The following LY96 variants were observed in gnomAD, a reference collection of about 807,000 sequenced individuals.
LY96 encodes myeloid differentiation protein-2.
Under a neutral mutation model 18.9 loss-of-function variants are expected in LY96, and 18 were observed. The ratio of observed to expected loss-of-function variants is 0.95; its 90% CI spans 0.66 to 1.41. The LOEUF (loss-of-function observed/expected upper bound fraction) is 1.41, where lower values mean the gene tolerates loss of function less well. LY96 is among the 40% of genes most tolerant of loss of function. The pLI is 0.00. For missense variants in LY96, 175 were observed against 182.4 expected, an observed-to-expected ratio of 0.96 and a Z score of 0.23; for synonymous variants, 66 against 62.6, an observed-to-expected ratio of 1.06 and a Z score of -0.26.
At chr8:74,068,450 T>C in the LY96 span, among the ~76,000 whole-genome samples, 1 of 152,234 alleles carries the variant, frequency 6.6e-6, no homozygotes, top group Admixed American at 6.5e-5. Flanking sequence ...CATATCTTTG[T>C]GTGAACAAAT....
At chr8:74,002,125 C>G (rs915407945) in intron 1 of LY96, among the ~76,000 whole-genome samples, 3 of 129,118 alleles carry the variant, frequency 2.3e-5, no homozygotes, top group Middle Eastern at 3.5e-3. Flanking sequence ...CTCTCTCTCT[C>G]TCTCTCTTTC....
the LY96 span, among the ~76,000 whole-genome samples, chr8:74,079,268 G>A: frequency 6.6e-6 from 1 of 152,182 alleles, no homozygotes; most frequent in African/African-American, 2.4e-5. Flanking sequence ...GCTTTCCTGG[G>A]CCTTCAGCTT....
chr8:74,059,252 A>G, the LY96 span, among the ~76,000 whole-genome samples: 1 of 152,360 alleles, frequency 6.6e-6, no homozygotes, highest in African/African-American at 2.4e-5. Context: ...GAAATGAAGA[A>G]ATCTAACATA....
the LY96 span, among the ~76,000 whole-genome samples, chr8:74,084,894 C>A: frequency 2.0e-5 from 3 of 152,198 alleles, no homozygotes; most frequent in African/African-American, 7.2e-5. Flanking sequence ...GGATTACAGG[C>A]GTGAGCCACC....
chr8:74,053,735 T>G, the LY96 span, among the ~76,000 whole-genome samples: 2 of 152,246 alleles, frequency 1.3e-5, no homozygotes, highest in African/African-American at 4.8e-5. Flanking sequence ...GTCTGCCAAA[T>G]TTCATGTGTT....
chr8:74,054,984 G>T, the LY96 span, among the ~76,000 whole-genome samples: 1 of 151,948 alleles, frequency 6.6e-6, no homozygotes, highest in African/African-American at 2.4e-5. Context: ...ATGACCTACT[G>T]CAGCCTTGAC....
chr8:74,083,785 G>A, the LY96 span, among the ~76,000 whole-genome samples: 23 of 151,984 alleles, frequency 1.5e-4, no homozygotes, highest in East Asian at 5.8e-4. Context: ...TTGACCTCTC[G>A]GGCTGGAGTG....
chr8:74,064,177 A>G, the LY96 span, among the ~76,000 whole-genome samples: 1 of 152,230 alleles, frequency 6.6e-6, no homozygotes, highest in Non-Finnish European at 1.5e-5. Context: ...CAAAAAGCTG[A>G]TAATGATGAC....
At chr8:74,046,905 T>TC in the LY96 span, among the ~76,000 whole-genome samples, 5 of 145,462 alleles carry the variant, frequency 3.4e-5, no homozygotes, top group African/African-American at 9.9e-5. Context: ...TTCTCATTCT[T>TC]TTTTTTTTTT....
At chr8:74,053,229 C>T in the LY96 span, among the ~76,000 whole-genome samples, 1 of 152,186 alleles carries the variant, frequency 6.6e-6, no homozygotes, top group East Asian at 1.9e-4. Flanking sequence ...ATTTAGCCTC[C>T]TGAAATCTCT....
chr8:74,032,454 G>C (rs1816986224), downstream of LY96, among the ~76,000 whole-genome samples: 1 of 152,218 alleles, frequency 6.6e-6, no homozygotes, highest in Non-Finnish European at 1.5e-5. Flanking sequence ...GAAAATCCCT[G>C]TCCTGTTCTG....
chr8:74,025,843 A>C (rs1816860714), intron 3 of LY96, among the ~76,000 whole-genome samples: 1 of 152,084 alleles, frequency 6.6e-6, no homozygotes, highest in East Asian at 1.9e-4. Flanking sequence ...CCCTGTCTTT[A>C]CTAAAAATAC....
chr8:74,036,017 G>C, the LY96 span, among the ~76,000 whole-genome samples: 2 of 152,172 alleles, frequency 1.3e-5, no homozygotes, highest in Admixed American at 6.5e-5. Flanking sequence ...TGTGTCATGG[G>C]TGCATCTTTA....
the LY96 span, among the ~76,000 whole-genome samples, chr8:74,041,858 C>CA: frequency 1.3e-5 from 2 of 152,224 alleles, no homozygotes; most frequent in African/African-American, 4.8e-5. Flanking sequence ...CCTGTTTCCT[C>CA]AGAAGCATGT....
the LY96 span, among the ~76,000 whole-genome samples, chr8:74,070,524 C>T: frequency 6.6e-6 from 1 of 152,118 alleles, no homozygotes; most frequent in Non-Finnish European, 1.5e-5. Context: ...CCAGTGTATG[C>T]CATTTAACTA....
chr8:74,006,024 A>G (rs1347112829), intron 2 of LY96, among the ~76,000 whole-genome samples: 1 of 152,232 alleles, frequency 6.6e-6, no homozygotes, highest in Admixed American at 6.5e-5. Context: ...CAAAACTGAG[A>G]ACCCAGGAAT....
At chr8:74,006,765 A>T (rs1236045215) in intron 2 of LY96, among the ~76,000 whole-genome samples, 1 of 152,196 alleles carries the variant, frequency 6.6e-6, no homozygotes, top group Non-Finnish European at 1.5e-5. Flanking sequence ...CAATTGGCAT[A>T]AAGGATGATT....
At chr8:74,093,633 G>A in the LY96 span, among the ~76,000 whole-genome samples, 346 of 152,250 alleles carry the variant, frequency 2.3e-3, 1 homozygote, top group Non-Finnish European at 3.9e-3. Context: ...AGCCCCGTGG[G>A]AGCAGATTGC....
chr8:73,992,341 A>G (rs1816020676), intron 1 of LY96, among the ~76,000 whole-genome samples: 1 of 152,044 alleles, frequency 6.6e-6, no homozygotes, highest in Non-Finnish European at 1.5e-5. Context: ...TCCACCCACT[A>G]GCAATAGCTG....
Sources: allele counts gnomAD v4.1 joint callset (sites outside exome capture counted in the v4.1 genomes callset), GRCh38; gene constraint gnomAD v4.1.1; transcripts MANE v1.5; gene names NCBI Gene and HGNC (gene_info 2026-07-23, HGNC 2026-07-21).